Variants in SDCCAG8 observed in about 807,000 individuals in gnomAD.
SDCCAG8 encodes serologically defined colon cancer antigen 8.
In SDCCAG8, 74 loss-of-function variants were observed where a neutral mutation model predicts 101.8. The ratio of observed to expected loss-of-function variants is 0.73; its 90% CI spans 0.60 to 0.88. The LOEUF is 0.88. SDCCAG8 is among the 40% of genes least tolerant of loss of function. SDCCAG8 has a pLI of 0.00. For missense variants in SDCCAG8, 787 were observed against 822.6 expected, an observed-to-expected ratio of 0.96 and a Z score of 0.53; for synonymous variants, 281 against 292.9, an observed-to-expected ratio of 0.96 and a Z score of 0.41.
intron 16 of SDCCAG8, among the ~76,000 whole-genome samples, chr1:243,454,545 A>C (rs12046990): frequency 0.1 from 15,808 of 152,164 alleles, 838 homozygotes; most frequent in Non-Finnish European, 0.11. Flanking sequence ...TGTCGGAACA[A>C]GCACGAGTAA....
chr1:243,306,301 A>T (rs2072123464), intron 7 of SDCCAG8: 1 of 151,786 alleles, frequency 6.6e-6, no homozygotes, highest in African/African-American at 2.4e-5. Flanking sequence ...TTTTATTTTG[A>T]TTTTATTTAC....
chr1:243,266,943 C>CAA (rs376247572), intron 1 of SDCCAG8, among the ~76,000 whole-genome samples: 30,367 of 100,302 alleles, frequency 0.3, 5,154 homozygotes, highest in South Asian at 0.48. Context: ...AACTTCGTCT[C>CAA]AAAAAAAAAA....
At chr1:243,426,741 A>G (rs1023325549) in intron 16 of SDCCAG8, among the ~76,000 whole-genome samples, 183 bp downstream of exon 16, 2 of 152,198 alleles carry the variant, frequency 1.3e-5, no homozygotes, top group African/African-American at 4.8e-5. Flanking sequence ...CTTATTATAT[A>G]CAAAGAGGAG....
At position 243,493,099 on chromosome 1, in the gene SDCCAG8, C is replaced by T. The variant is rs530230550; in HGVS notation, c.2112+3959C>T. 2.6e-5 allele frequency among the ~76,000 whole-genome samples: 4 copies of T among 152,154 alleles called. No homozygotes were observed. The South Asian group carries it at 6.2e-4, about 24-fold the overall frequency. On this transcript the variant is annotated intron_variant, in intron 17 of 17. Coordinates refer to ENST00000366541, the MANE Select transcript of SDCCAG8 (RefSeq NM_006642.5). ...ATGCAGTTCCCCACACTCTGTATTC[C>T]GGGAGGGTCAGGGCCTCCAGACACA...
At chr1:243,314,692 C>T (rs1194313794) in intron 8 of SDCCAG8, among the ~76,000 whole-genome samples, 1 of 152,158 alleles carries the variant, frequency 6.6e-6, no homozygotes, top group Non-Finnish European at 1.5e-5. Flanking sequence ...TGTTTGCATA[C>T]TTATAAACAC....
rs183132082 is a variant in SDCCAG8 at position 243,368,530 on chromosome 1, A to T, written c.1474-10191A>T. Among the ~76,000 whole-genome samples, 371 of 152,320 alleles carry T rather than the reference A, an allele frequency of 2.4e-3. 1 individual carries two copies. Among genetic ancestry groups the T allele is most frequent in the Non-Finnish European group, 3.7e-3 (254 of 68,024 alleles). On this transcript the variant is annotated intron_variant, in intron 12 of 17. Transcript: ENST00000366541. ...ATATCCAAAATGTTTTGAGTTTATT[A>T]CCTTCGTTAACATAGCTCTTGTGAT...
At chr1:243,397,711 A>G (rs530785738) in intron 13 of SDCCAG8, among the ~76,000 whole-genome samples, 1 of 152,382 alleles carries the variant, frequency 6.6e-6, no homozygotes, top group South Asian at 2.1e-4. Context: ...GCTGGCCACA[A>G]TCTGCAGGTT....
At chr1:243,381,824 C>A (rs925774715) in intron 13 of SDCCAG8, among the ~76,000 whole-genome samples, 1 of 152,132 alleles carries the variant, frequency 6.6e-6, no homozygotes, top group Non-Finnish European at 1.5e-5. Flanking sequence ...GACAACAGTG[C>A]AATGATAAAA....
chr1:243,296,019 G>A (rs1225303140), intron 6 of SDCCAG8, among the ~76,000 whole-genome samples: 1 of 151,478 alleles, frequency 6.6e-6, no homozygotes, highest in African/African-American at 2.4e-5. Flanking sequence ...TTTTTGAGAC[G>A]GGATCTAGCT....
Position 243,383,491 on chromosome 1 carries a change from G to A in SDCCAG8, c.1616+4628G>A, listed in dbSNP as rs112414600. Among the ~76,000 whole-genome samples the A allele has an allele frequency of 2.7e-3, 410 of 152,248 alleles. 4 individuals are homozygous for A. The highest frequency in any genetic ancestry group is 9.6e-3 in the African/African-American group (398 of 41,532). On this transcript the variant is annotated intron_variant, in intron 13 of 17. Coordinates refer to ENST00000366541, the MANE Select transcript of SDCCAG8 (RefSeq NM_006642.5). ...TTAAGTTCCTATATCTGGACATTAG[G>A]CATTTAAATTGCTTGGATGATCTTT...
At chr1:243,296,492 G>T (rs528813956) in intron 6 of SDCCAG8, among the ~76,000 whole-genome samples, 1 of 141,594 alleles carries the variant, frequency 7.1e-6, no homozygotes, top group Non-Finnish European at 1.5e-5. Flanking sequence ...GCTTCAGTAT[G>T]CTTCAGTTGA....
intron 16 of SDCCAG8, among the ~76,000 whole-genome samples, chr1:243,484,827 C>T (rs562015615): frequency 2.0e-5 from 3 of 152,180 alleles, no homozygotes; most frequent in South Asian, 2.1e-4. Context: ...GGGCAGATCA[C>T]GAGGTCAGGA....
chr1:243,426,411 G>A lies in SDCCAG8; in HGVS notation c.1854-16G>A, dbSNP rs2081343910. ...AGAACTTCTAACATCTATTATTTTTGTGTTTTCACCTCTAGATCTGAAATA... is the reference window on the plus strand; with the variant it reads ...AGAACTTCTAACATCTATTATTTTTATGTTTTCACCTCTAGATCTGAAATA... On this transcript the variant is annotated splice_polypyrimidine_tract_variant and intron_variant, in intron 15 of 17. Coordinates refer to ENST00000366541, the MANE Select transcript of SDCCAG8 (RefSeq NM_006642.5). 6.2e-7 allele frequency: 1 copy of A among 1,608,120 alleles called. No homozygotes were observed.
At chr1:243,316,612 C>A in intron 8 of SDCCAG8, 143 bp from the exon 9 acceptor site, 2 of 972,898 alleles carry the variant, frequency 2.1e-6, no homozygotes, top group Admixed American at 4.2e-5. Context: ...GAGGGTCTTT[C>A]TCTGGGGTGT....
At chr1:243,281,667 T>TTA (rs2069061282) in intron 4 of SDCCAG8, among the ~76,000 whole-genome samples, 2 of 150,574 alleles carry the variant, frequency 1.3e-5, no homozygotes, top group African/African-American at 2.4e-5. Context: ...TTTTTTTTTT[T>TTA]TAGAGATAGA....
chr1:243,497,576 T>C (rs911811602), intron 17 of SDCCAG8, among the ~76,000 whole-genome samples: 3 of 150,158 alleles, frequency 2.0e-5, no homozygotes, highest in Non-Finnish European at 4.4e-5. Context: ...ACAGCTCCGA[T>C]AGTGATAAAT....
intron 13 of SDCCAG8, among the ~76,000 whole-genome samples, chr1:243,405,697 T>C (rs967482487): frequency 1.4e-4 from 22 of 152,154 alleles, no homozygotes; most frequent in Non-Finnish European, 7.3e-5. Flanking sequence ...GAGAATTCTG[T>C]GGATCTAATA....
chr1:243,317,841 C>T (rs1343929845), intron 9 of SDCCAG8, among the ~76,000 whole-genome samples: 2 of 152,226 alleles, frequency 1.3e-5, no homozygotes, highest in East Asian at 3.9e-4. Flanking sequence ...TTAATGGCCA[C>T]GTGTAGCAAA....
intron 13 of SDCCAG8, among the ~76,000 whole-genome samples, chr1:243,391,989 G>T (rs1386259507): frequency 6.6e-6 from 1 of 152,160 alleles, no homozygotes; most frequent in African/African-American, 2.4e-5. Context: ...CACCAGGCTG[G>T]ACGTTGCTTG....
Sources: allele counts gnomAD v4.1 joint callset (sites outside exome capture counted in the v4.1 genomes callset), GRCh38; gene constraint gnomAD v4.1.1; transcripts MANE v1.5; gene names NCBI Gene and HGNC (gene_info 2026-07-23, HGNC 2026-07-21).